FAT3: variants seen among roughly 807,000 people sequenced by gnomAD.
The protein encoded by FAT3 is FAT atypical cadherin 3, also known as protocadherin Fat 3.
A neutral mutation model predicts 310.2 loss-of-function variants in FAT3; 95 were observed. The ratio of observed to expected loss-of-function variants is 0.31; its 90% CI spans 0.26 to 0.36. The LOEUF (loss-of-function observed/expected upper bound fraction) is 0.36. FAT3 is among the 10% of genes least tolerant of loss of function. The pLI is 1.00. For synonymous variants in FAT3, 2,314 were observed against 2,192.9 expected (o/e 1.06, Z -1.54); for missense variants, 5,408 against 5,715.6 (o/e 0.95, Z 1.74).
At chr11:92,489,272 A>G (rs1467278034) in intron 2 of FAT3, among the ~76,000 whole-genome samples, 1 of 152,194 alleles carries the variant, frequency 6.6e-6, no homozygotes, top group African/African-American at 2.4e-5. Context: ...CAGAACAGGA[A>G]TAGTAAAAAA....
intron 15 of FAT3, among the ~76,000 whole-genome samples, chr11:92,836,142 G>C (rs971907142): frequency 3.3e-5 from 5 of 152,178 alleles, no homozygotes; most frequent in African/African-American, 7.2e-5. Flanking sequence ...TATATTTGCT[G>C]TGTGGGAAGG....
At chr11:92,464,128 C>G (rs1591323593) in intron 2 of FAT3, among the ~76,000 whole-genome samples, 1 of 152,246 alleles carries the variant, frequency 6.6e-6, no homozygotes, top group African/African-American at 2.4e-5. Context: ...GTGTTTTAAT[C>G]AAGAATAACA....
intron 2 of FAT3, among the ~76,000 whole-genome samples, chr11:92,424,053 A>G (rs960996673): frequency 6.6e-6 from 1 of 152,120 alleles, no homozygotes; most frequent in South Asian, 2.1e-4. Flanking sequence ...GTGGACACCT[A>G]CAAAGGTTTT....
At chr11:92,721,761 A>G (rs910090818) in intron 4 of FAT3, among the ~76,000 whole-genome samples, 4 of 152,190 alleles carry the variant, frequency 2.6e-5, no homozygotes, top group African/African-American at 9.7e-5. Flanking sequence ...TCACAGTTCC[A>G]TGTGGCAGGA....
chr11:92,892,102 G>T lies in FAT3; in HGVS notation c.*989G>T, dbSNP rs1237909182. The T allele has an allele frequency of 2.6e-5, 4 of 152,082 alleles. No individual in the cohort carries two copies. Among genetic ancestry groups the T allele is most frequent in the African/African-American group, 2.4e-5 (1 of 41,418 alleles). The allele number at this position is 152,082 out of a possible 1,614,324, so 9.4% of individuals were successfully genotyped here. On this transcript the variant is annotated 3_prime_UTR_variant, in exon 28 of 28. Coordinates refer to ENST00000525166, the MANE Select transcript of FAT3 (RefSeq NM_001367949.2). ...GGAAAGGTGTCTGTTATTCTAAATCGGTAGCATCACCATTATAAATACAAT... is the reference window on the plus strand; with the variant it reads ...GGAAAGGTGTCTGTTATTCTAAATCTGTAGCATCACCATTATAAATACAAT...
intron 2 of FAT3, among the ~76,000 whole-genome samples, chr11:92,486,129 GGTTTTTT>G (rs1307315446): frequency 1.1e-4 from 3 of 27,670 alleles, no homozygotes; most frequent in African/African-American, 2.5e-4. Flanking sequence ...AGGCTGCTGG[GGTTTTTT>G]TTTTTTTTTT....
intron 3 of FAT3, among the ~76,000 whole-genome samples, chr11:92,628,917 C>T (rs1386737724): frequency 6.6e-6 from 1 of 152,224 alleles, no homozygotes; most frequent in Non-Finnish European, 1.5e-5. Flanking sequence ...CACTCACACA[C>T]ACACACTGCA....
intron 1 of FAT3, among the ~76,000 whole-genome samples, chr11:92,253,207 A>C (rs1296227640): frequency 6.6e-6 from 1 of 151,806 alleles, no homozygotes; most frequent in East Asian, 1.9e-4. Flanking sequence ...CAGGACCCTC[A>C]CAAGTCTGGC....
At chr11:92,646,249 G>T (rs1295439555) in intron 3 of FAT3, among the ~76,000 whole-genome samples, 2 of 152,176 alleles carry the variant, frequency 1.3e-5, no homozygotes, top group Non-Finnish European at 2.9e-5. Context: ...TGGATGGAAG[G>T]CTAGGCTCAG....
intron 2 of FAT3, among the ~76,000 whole-genome samples, chr11:92,490,303 T>C (rs912936532): frequency 3.3e-5 from 5 of 152,156 alleles, no homozygotes; most frequent in African/African-American, 1.2e-4. Context: ...AGGCTGGGGC[T>C]GAATGGCTCT....
intron 22 of FAT3, among the ~76,000 whole-genome samples, chr11:92,875,219 G>T (rs1949503194): frequency 6.7e-6 from 1 of 148,978 alleles, no homozygotes; most frequent in South Asian, 2.2e-4. Context: ...CCCTCTCATT[G>T]TGTTAACATA....
At chr11:92,862,628 A>G (rs999460117) in intron 21 of FAT3, among the ~76,000 whole-genome samples, 2 of 152,214 alleles carry the variant, frequency 1.3e-5, no homozygotes, top group African/African-American at 4.8e-5. Context: ...CCCACTTGGC[A>G]TGGCCAGATC....
intron 3 of FAT3, among the ~76,000 whole-genome samples, chr11:92,577,254 G>A (rs1261231878): frequency 6.6e-6 from 1 of 151,748 alleles, no homozygotes; most frequent in East Asian, 2.0e-4. Flanking sequence ...GATTACAGGC[G>A]GTCGCCAACA....
chr11:92,851,327 T>A (rs187147264), intron 19 of FAT3, among the ~76,000 whole-genome samples: 2 of 152,314 alleles, frequency 1.3e-5, no homozygotes, highest in Non-Finnish European at 2.9e-5. Flanking sequence ...ATAATAAATG[T>A]TTTTCTTTAC....
chr11:92,805,996 A>G (rs1947497046), intron 11 of FAT3, among the ~76,000 whole-genome samples: 1 of 152,212 alleles, frequency 6.6e-6, no homozygotes, highest in Admixed American at 6.5e-5. Flanking sequence ...GTTGAAGAGA[A>G]TTCCTAGGAC....
intron 2 of FAT3, among the ~76,000 whole-genome samples, chr11:92,428,543 C>T (rs1950691747): frequency 6.6e-6 from 1 of 152,284 alleles, no homozygotes; most frequent in African/African-American, 2.4e-5. Context: ...TCCCTCTAAA[C>T]ACTGCTTTAG....
At chr11:92,659,857 T>C (rs1044776387) in intron 3 of FAT3, among the ~76,000 whole-genome samples, 2 of 152,298 alleles carry the variant, frequency 1.3e-5, no homozygotes, top group African/African-American at 2.4e-5. Flanking sequence ...ACTCCTGCAA[T>C]TGTGGACACC....
intron 1 of FAT3, among the ~76,000 whole-genome samples, chr11:92,326,391 A>C (rs1947764985): frequency 6.6e-6 from 1 of 152,238 alleles, no homozygotes; most frequent in African/African-American, 2.4e-5. Flanking sequence ...TAAAGGAATT[A>C]AAAACCAGGG....
intron 1 of FAT3, among the ~76,000 whole-genome samples, chr11:92,239,611 T>C (rs1008497031): frequency 6.6e-6 from 1 of 152,114 alleles, no homozygotes; most frequent in Non-Finnish European, 1.5e-5. Flanking sequence ...GTCCATGTCA[T>C]GTTACTCCTG....
Sources: gnomAD v4.1 joint callset for allele counts (sites outside exome capture counted in the v4.1 genomes callset) on GRCh38, gnomAD v4.1.1 for gene constraint, MANE v1.5 for transcripts, NCBI Gene and HGNC (gene_info 2026-07-23, HGNC 2026-07-21) for gene names.